PPM1E: variants seen among roughly 807,000 people sequenced by gnomAD.
PPM1E encodes the protein protein phosphatase, Mg2+/Mn2+ dependent 1E, also known as protein phosphatase 1E.
In PPM1E, 20 loss-of-function variants were observed where a neutral mutation model predicts 65.9. That is an observed-to-expected ratio of 0.30 (90% CI 0.21 to 0.44). The LOEUF (loss-of-function observed/expected upper bound fraction) is 0.44, where lower values mean the gene tolerates loss of function less well. PPM1E is among the 20% of genes least tolerant of loss of function. The pLI is 1.00. For synonymous variants in PPM1E, 352 were observed against 374.9 expected (o/e 0.94, Z 0.70); for missense variants, 713 against 953.1 (o/e 0.75, Z 3.32).
intron 1 of PPM1E, among the ~76,000 whole-genome samples, chr17:58,929,842 C>T (rs1392298832): frequency 6.6e-6 from 1 of 152,072 alleles, no homozygotes; most frequent in African/African-American, 2.4e-5. Flanking sequence ...AGAGATACAA[C>T]TGGGTTTCTT....
At chr17:58,810,072 T>C (rs1311119586) in intron 1 of PPM1E, among the ~76,000 whole-genome samples, 2 of 152,252 alleles carry the variant, frequency 1.3e-5, no homozygotes, top group Admixed American at 6.5e-5. Flanking sequence ...TTGTGTATTT[T>C]ACATTTGCAA....
At chr17:58,825,645 C>A (rs1369607247) in intron 1 of PPM1E, among the ~76,000 whole-genome samples, 1 of 152,008 alleles carries the variant, frequency 6.6e-6, no homozygotes, top group Non-Finnish European at 1.5e-5. Context: ...CAACCTTCAC[C>A]TCCTGGGTTC....
chr17:58,915,594 CA>C (rs2051675608), intron 1 of PPM1E, among the ~76,000 whole-genome samples: 1 of 152,158 alleles, frequency 6.6e-6, no homozygotes, highest in Non-Finnish European at 1.5e-5. Context: ...GCCTCTGACA[CA>C]ATGACCAAAG....
At chr17:58,857,325 G>A (rs964571823) in intron 1 of PPM1E, among the ~76,000 whole-genome samples, 1 of 152,034 alleles carries the variant, frequency 6.6e-6, no homozygotes. Flanking sequence ...TACAATAACA[G>A]TGGTTTTTGT....
intron 1 of PPM1E, among the ~76,000 whole-genome samples, chr17:58,870,845 C>T (rs1196898548): frequency 6.6e-6 from 1 of 152,128 alleles, no homozygotes; most frequent in Non-Finnish European, 1.5e-5. Flanking sequence ...CATGATTACC[C>T]AGACTTTAGA....
chr17:58,816,168 G>A (rs756419081), intron 1 of PPM1E, among the ~76,000 whole-genome samples: 11 of 152,022 alleles, frequency 7.2e-5, no homozygotes, highest in Non-Finnish European at 1.3e-4. Context: ...TGGGACTACA[G>A]GTGCGTGCCA....
rs150649273 is a variant in PPM1E at position 58,765,613 on chromosome 17, A to G, written c.464+9152A>G. Among the ~76,000 whole-genome samples, 141 of 152,226 alleles carry G rather than the reference A, an allele frequency of 9.3e-4. 6 individuals carry two copies. The East Asian group carries it at 0.016, about 17-fold the overall frequency. On this transcript the variant is annotated intron_variant, in intron 1 of 6. Coordinates refer to ENST00000308249, the MANE Select transcript of PPM1E (RefSeq NM_014906.5). ...TGAGAGTATTCTTAATTCTTCATGT[A>G]TATTTTCACTGAATACTCTGGTGTA...
intron 1 of PPM1E, among the ~76,000 whole-genome samples, chr17:58,865,079 A>G: frequency 6.6e-6 from 1 of 152,014 alleles, no homozygotes; most frequent in East Asian, 2.0e-4. Context: ...ATGAGGGAGA[A>G]GTTGGTCAGT....
intron 1 of PPM1E, among the ~76,000 whole-genome samples, chr17:58,909,283 G>A (rs933678797): frequency 6.6e-6 from 1 of 151,952 alleles, no homozygotes; most frequent in African/African-American, 2.4e-5. Flanking sequence ...ACTGAGACAG[G>A]TTCTCACTCC....
At chr17:58,904,475 GTTC>G (rs906402411) in intron 1 of PPM1E, among the ~76,000 whole-genome samples, 7 of 152,144 alleles carry the variant, frequency 4.6e-5, no homozygotes, top group Non-Finnish European at 8.8e-5. Context: ...GAATTTGAAA[GTTC>G]TTCTCATAGG....
Position 58,965,679 on chromosome 17 carries a change from G to T in PPM1E, c.584-15G>T. ...ACAAGGCTCTTCATTGGGGGTTTCTGTGTTTCTTTCACAGAGATTGAGACA... is the reference window on the plus strand; with the variant it reads ...ACAAGGCTCTTCATTGGGGGTTTCTTTGTTTCTTTCACAGAGATTGAGACA... On this transcript the variant is annotated splice_polypyrimidine_tract_variant and intron_variant, in intron 2 of 6. Coordinates refer to ENST00000308249, the MANE Select transcript of PPM1E (RefSeq NM_014906.5). 1 of 1,610,026 alleles carries T rather than the reference G, an allele frequency of 6.2e-7. No individual in the cohort carries two copies. Among genetic ancestry groups the T allele is most frequent in the Non-Finnish European group, 8.5e-7 (1 of 1,176,466 alleles).
In PPM1E at chr17:58,938,825, G is replaced by A. The variant is rs1419236010; in HGVS notation, c.465-16824G>A. Reference sequence around the variant, plus strand: ...TTTTTTTTTGAGGAGTTTCGCTCTTGTTGCCTAGGCTGGAGTGCAATGGCG... The same window carrying A: ...TTTTTTTTTGAGGAGTTTCGCTCTTATTGCCTAGGCTGGAGTGCAATGGCG... On this transcript the variant is annotated intron_variant, in intron 1 of 6. Coordinates refer to ENST00000308249, the MANE Select transcript of PPM1E (RefSeq NM_014906.5). 2.9e-5 allele frequency among the ~76,000 whole-genome samples: 3 copies of A among 102,750 alleles called. No individual in the cohort carries two copies. The Admixed American group carries it at 4.3e-4, about 15-fold the overall frequency. The allele number at this position is 102,750 out of a possible 152,430, so 67.4% of individuals were successfully genotyped here. A position where few individuals can be genotyped will look rare whatever the true frequency, so the allele number is the denominator to read the frequency against.
chr17:58,909,245 C>T (rs1442946250), intron 1 of PPM1E, among the ~76,000 whole-genome samples: 2 of 152,058 alleles, frequency 1.3e-5, no homozygotes, highest in East Asian at 3.9e-4. Context: ...TCACTCCCCA[C>T]TGCCGCTCAC....
chr17:58,875,192 G>A (rs997219775), intron 1 of PPM1E, among the ~76,000 whole-genome samples: 1 of 152,144 alleles, frequency 6.6e-6, no homozygotes, highest in African/African-American at 2.4e-5. Flanking sequence ...ATTCAACCAA[G>A]TAACATATAT....
chr17:58,784,626 G>A (rs1218749276), intron 1 of PPM1E, among the ~76,000 whole-genome samples: 3 of 151,432 alleles, frequency 2.0e-5, no homozygotes, highest in East Asian at 2.0e-4. Context: ...CCGGGTTCAA[G>A]CAATGCTCCT....
intron 1 of PPM1E, among the ~76,000 whole-genome samples, chr17:58,880,726 T>A (rs2051185669): frequency 6.6e-6 from 1 of 152,134 alleles, no homozygotes; most frequent in African/African-American, 2.4e-5. Context: ...AGGGCTAAAG[T>A]GATCATCCCA....
In PPM1E at chr17:58,872,902, G is replaced by A. The variant is rs2030498882; in HGVS notation, c.465-82747G>A. 1.3e-5 allele frequency among the ~76,000 whole-genome samples: 2 copies of A among 152,184 alleles called. 1 individual carries two copies. The highest frequency in any genetic ancestry group is 4.1e-4 in the South Asian group (2 of 4,832). On this transcript the variant is annotated intron_variant, in intron 1 of 6. Transcript: ENST00000308249. ...TTGGTTACAGTTTGTTACATTTCAA[G>A]GAAGACTGCCTTAACATTCAGTGAT...
intron 1 of PPM1E, among the ~76,000 whole-genome samples, chr17:58,830,828 G>A (rs1051508463): frequency 1.3e-5 from 2 of 151,458 alleles, no homozygotes; most frequent in African/African-American, 4.9e-5. Flanking sequence ...AGAACTATAA[G>A]CGTGTGCCAC....
At chr17:58,860,837 T>G (rs557599709) in intron 1 of PPM1E, among the ~76,000 whole-genome samples, 2 of 152,024 alleles carry the variant, frequency 1.3e-5, no homozygotes, top group East Asian at 3.9e-4. Flanking sequence ...TACTCCCAGC[T>G]GAGGCAGGGG....
Sources: gnomAD v4.1 joint callset for allele counts (sites outside exome capture counted in the v4.1 genomes callset) on GRCh38, gnomAD v4.1.1 for gene constraint, MANE v1.5 for transcripts, NCBI Gene and HGNC (gene_info 2026-07-23, HGNC 2026-07-21) for gene names.